Variants in PCMT1 observed in about 807,000 individuals in gnomAD.
PCMT1 encodes protein-L-isoaspartate (D-aspartate) O-methyltransferase, also known as protein-L-isoaspartate(D-aspartate) O-methyltransferase.
A neutral mutation model predicts 29.2 loss-of-function variants in PCMT1; 9 were observed. The ratio of observed to expected loss-of-function variants is 0.31; its 90% CI spans 0.19 to 0.54. PCMT1 has a LOEUF of 0.54. Among genes scored for constraint, PCMT1 ranks in the 20% least tolerant of loss-of-function variants. The probability of loss-of-function intolerance (pLI) is 0.95; values close to 1 mark genes in which losing one functional copy is unlikely to be tolerated. For synonymous variants in PCMT1, 98 were observed against 97.5 expected, an observed-to-expected ratio of 1.00 and a Z score of -0.03; for missense variants, 184 against 282.2, an observed-to-expected ratio of 0.65 and a Z score of 2.49.
chr6:149,764,380 G>A (rs116244124), intron 1 of PCMT1, among the ~76,000 whole-genome samples: 116 of 152,158 alleles, frequency 7.6e-4, no homozygotes, highest in African/African-American at 2.6e-3. Context: ...CTGTTTATTA[G>A]TACTGTATCT....
intron 1 of PCMT1, among the ~76,000 whole-genome samples, chr6:149,757,786 G>C (rs1468704142): frequency 6.6e-6 from 1 of 152,146 alleles, no homozygotes; most frequent in African/African-American, 2.4e-5. Context: ...CATCAGATTT[G>C]AATGTACACT....
At chr6:149,795,375 T>C in intron 5 of PCMT1, 1 of 401,526 alleles carries the variant, frequency 2.5e-6, no homozygotes, top group Admixed American at 3.1e-5. Context: ...ATAATAGCTG[T>C]TAAGATATCT....
chr6:149,809,294 A>C (rs1776100131), intron 7 of PCMT1, among the ~76,000 whole-genome samples: 1 of 151,164 alleles, frequency 6.6e-6, no homozygotes, highest in South Asian at 2.1e-4. Context: ...CAAAACAAGA[A>C]AAACAATATC....
At chr6:149,768,713 T>G (rs751407089) in intron 1 of PCMT1, among the ~76,000 whole-genome samples, 31 of 151,822 alleles carry the variant, frequency 2.0e-4, no homozygotes, top group Non-Finnish European at 3.2e-4. Context: ...TGCAGCCTCC[T>G]TCTCCTGGGT....
chr6:149,779,137 G>GT (rs1562409477), intron 3 of PCMT1, among the ~76,000 whole-genome samples: 1 of 152,016 alleles, frequency 6.6e-6, no homozygotes, highest in Non-Finnish European at 1.5e-5. Flanking sequence ...GTGTTCCATC[G>GT]TTTTACATTC....
intron 4 of PCMT1, among the ~76,000 whole-genome samples, chr6:149,792,730 G>A (rs1562419502): frequency 6.6e-6 from 1 of 152,062 alleles, no homozygotes; most frequent in Non-Finnish European, 1.5e-5. Flanking sequence ...TGTTGCTCAG[G>A]CTGGTCTCAA....
At chr6:149,749,729 T>C (rs1324922866), upstream of PCMT1, 4 of 1,543,392 alleles carry the variant, frequency 2.6e-6, no homozygotes, top group African/African-American at 4.1e-5. Flanking sequence ...CCGCGGGGGA[T>C]GCCGGGAGCG....
At chr6:149,806,147 C>T (rs1407981251) in intron 7 of PCMT1, among the ~76,000 whole-genome samples, 1 of 152,060 alleles carries the variant, frequency 6.6e-6, no homozygotes, top group Non-Finnish European at 1.5e-5. Context: ...GCCAACTAGG[C>T]CAGGCACTGT....
At chr6:149,784,898 T>G (rs1787958985) in intron 3 of PCMT1, among the ~76,000 whole-genome samples, 1 of 152,234 alleles carries the variant, frequency 6.6e-6, no homozygotes, top group Non-Finnish European at 1.5e-5. Flanking sequence ...CCTAACAATG[T>G]TTCTTAATAT....
At position 149,810,601 on chromosome 6, in the gene PCMT1, C is replaced by A. The variant is rs770409745; in HGVS notation, c.*38-15C>A. On this transcript the variant is annotated splice_polypyrimidine_tract_variant and intron_variant, in intron 7 of 7. Transcript: ENST00000464889. Reference sequence around the variant, plus strand: ...GTAACTCCTACTAATGTATTTCTCTCTTTTTTCCTCACAGGGATGAATTGT... The same window carrying A: ...GTAACTCCTACTAATGTATTTCTCTATTTTTTCCTCACAGGGATGAATTGT... 794 of 1,545,970 alleles carry A rather than the reference C, an allele frequency of 5.1e-4. 1 individual carries two copies. Among genetic ancestry groups the A allele is most frequent in the Non-Finnish European group, 6.6e-4 (749 of 1,143,372 alleles).
chr6:149,795,609 A>G (rs1276595219), intron 5 of PCMT1: 3 of 507,030 alleles, frequency 5.9e-6, no homozygotes, highest in Non-Finnish European at 7.3e-6. Flanking sequence ...AGCAGAGGGA[A>G]TTGGTTCCAC....
At chr6:149,778,908 A>G (rs762791632) in intron 3 of PCMT1, among the ~76,000 whole-genome samples, 2 of 152,190 alleles carry the variant, frequency 1.3e-5, no homozygotes, top group African/African-American at 4.8e-5. Context: ...AGTGATTAAA[A>G]AGAAAAGTTA....
intron 3 of PCMT1, among the ~76,000 whole-genome samples, chr6:149,775,802 G>A (rs1177349578): frequency 6.6e-6 from 1 of 152,168 alleles, no homozygotes; most frequent in Non-Finnish European, 1.5e-5. Context: ...TTGTGTTTGT[G>A]TGTATCCTGT....
intron 1 of PCMT1, among the ~76,000 whole-genome samples, chr6:149,769,847 T>C (rs1184636927): frequency 6.7e-6 from 1 of 149,428 alleles, no homozygotes; most frequent in East Asian, 2.0e-4. Context: ...ATCCTCCCTG[T>C]TGGCCTCCCC....
chr6:149,765,778 C>T, intron 1 of PCMT1: 1 of 250,144 alleles, frequency 4.0e-6, no homozygotes, highest in South Asian at 4.2e-5. Context: ...ACCAGCCTGA[C>T]CAACATGGTG....
At chr6:149,762,945 ATC>A (rs1352599713) in intron 1 of PCMT1, among the ~76,000 whole-genome samples, 2 of 49,434 alleles carry the variant, frequency 4.0e-5, no homozygotes, top group Non-Finnish European at 2.8e-5. Context: ...TGATATATAT[ATC>A]TATGATATGT....
intron 1 of PCMT1, among the ~76,000 whole-genome samples, chr6:149,765,163 A>G (rs548874339): frequency 6.6e-6 from 1 of 151,360 alleles, no homozygotes; most frequent in South Asian, 2.1e-4. Flanking sequence ...GATCGAGACC[A>G]TCCTGGCTAA....
rs1787406599 is a variant in PCMT1, at chr6:149,773,156, G to C, written c.179G>C (p.Ser60Thr). 1 of 1,611,100 alleles carries C rather than the reference G, an allele frequency of 6.2e-7. No individual in the cohort carries two copies. The highest frequency in any genetic ancestry group is 1.3e-5 in the African/African-American group (1 of 74,800). Residue 60 changes from serine to threonine, a missense_variant, in exon 3 of 8, where the codon AGT becomes ACT. By Grantham distance (58) the Ser-to-Thr change is moderately conservative. Transcript: ENST00000464889. ...PQSIGFQATI[S>T]APHMHAYALE... ...TTTGCAGGTTTCCAAGCAACAATCA[G>C]TGCTCCACACATGGTAAGTTAAGTT...
At chr6:149,769,457 G>A (rs1787223298) in intron 1 of PCMT1, among the ~76,000 whole-genome samples, 2 of 151,440 alleles carry the variant, frequency 1.3e-5, no homozygotes. Context: ...GGGATTACAG[G>A]GGTGCGCCAC....
Sources: gnomAD v4.1 joint callset for allele counts (sites outside exome capture counted in the v4.1 genomes callset) on GRCh38, gnomAD v4.1.1 for gene constraint, MANE v1.5 for transcripts, NCBI Gene and HGNC (gene_info 2026-07-23, HGNC 2026-07-21) for gene names.